The following CSF2RA variants were observed in gnomAD, a reference collection of about 807,000 sequenced individuals.
The protein encoded by CSF2RA is colony stimulating factor 2 receptor subunit alpha.
Under a neutral mutation model 51.6 loss-of-function variants are expected in CSF2RA, and 42 were observed. That is an observed-to-expected ratio of 0.81 (90% CI 0.64 to 1.05). The LOEUF (loss-of-function observed/expected upper bound fraction) is 1.05. Among genes scored for constraint, CSF2RA ranks in the 50% least tolerant of loss-of-function variants. The pLI, the probability that CSF2RA is intolerant of heterozygous loss-of-function variation, is 0.00. For synonymous variants in CSF2RA, 222 were observed against 193.0 expected, an observed-to-expected ratio of 1.15 and a Z score of -1.24; for missense variants, 530 against 501.1, an observed-to-expected ratio of 1.06 and a Z score of -0.55.
chrX:1,286,616 G>A (rs2090703114), intron 4 of CSF2RA, among the ~76,000 whole-genome samples: 1 of 151,834 alleles, frequency 6.6e-6, no homozygotes, highest in Non-Finnish European at 1.5e-5. Context: ...AAGCGAGAGG[G>A]CCACAGACAC....
chrX:1,284,498 G>A (rs1286468997), intron 3 of CSF2RA, among the ~76,000 whole-genome samples: 3 of 136,706 alleles, frequency 2.2e-5, no homozygotes, highest in Non-Finnish European at 4.6e-5. Flanking sequence ...GCGCGATCTC[G>A]GCTCACTGCA....
At position 1,309,375 on chromosome X, in the gene CSF2RA, G is replaced by A. The variant is rs772036053; in HGVS notation, c.1126-27G>A. The A allele has an allele frequency of 7.5e-6, 12 of 1,610,360 alleles. No individual in the cohort carries two copies. In the South Asian group the frequency reaches 1.3e-4, roughly 18 times the overall value. On this transcript the variant is annotated intron_variant, in intron 12 of 12. Transcript: ENST00000381529. ...TCCCAGGCTGAGCTCGTGAAGATCT[G>A]ACAGCCTGAACCCTCCTTTTTCTCA...
intron 12 of CSF2RA, 61 bp from the exon 13 acceptor site, chrX:1,309,341 C>A: frequency 1.3e-6 from 2 of 1,491,832 alleles, no homozygotes; most frequent in Non-Finnish European, 1.9e-6. Flanking sequence ...ATAAACACAG[C>A]CCACTGAGTC....
In CSF2RA at chrX:1,279,281, C is replaced by T. The variant is rs866117713; in HGVS notation, c.-26-3397C>T. On this transcript the variant is annotated intron_variant, in intron 2 of 12. Transcript: ENST00000381529. ...AGTAGAATGGCTTCAACTTGGGAGA[C>T]GGAGGTTGCAGTGAGCCGAGATGGC... 6.6e-5 allele frequency among the ~76,000 whole-genome samples: 10 copies of T among 151,762 alleles called. 1 individual carries two copies. Among genetic ancestry groups the T allele is most frequent in the African/African-American group, 1.9e-4 (8 of 41,346 alleles).
chrX:1,301,904 C>T (rs1433748395), intron 10 of CSF2RA, among the ~76,000 whole-genome samples: 1 of 145,044 alleles, frequency 6.9e-6, no homozygotes, highest in Non-Finnish European at 1.5e-5. Context: ...CCGTGCCCGG[C>T]CCTCCCTCTT....
rs1477132884 is a variant in CSF2RA, at chrX:1,277,596, A to G, written c.-27+2778A>G. Among the ~76,000 whole-genome samples, 15 of 76,088 alleles carry G rather than the reference A, an allele frequency of 2.0e-4. No homozygotes were observed. In the South Asian group the frequency reaches 5.8e-3, roughly 30 times the overall value. The allele number at this position is 76,088 out of a possible 152,430, so 49.9% of individuals were successfully genotyped here. A position where few individuals can be genotyped will look rare whatever the true frequency, so the allele number is the denominator to read the frequency against. On this transcript the variant is annotated intron_variant, in intron 2 of 12. Transcript: ENST00000381529. The stretch of plus-strand genomic sequence containing the variant: ...GGGCGATAGAGTAAGTCCATCTCAA[A>G]AAAAAAAAAAAAAAAAAAAAATTCG...
intron 2 of CSF2RA, among the ~76,000 whole-genome samples, chrX:1,281,053 C>T (rs1388344213): frequency 2.1e-4 from 2 of 9,396 alleles, no homozygotes. Flanking sequence ...CTCCTGCTCC[C>T]CTTCTCCTCC....
At position 1,309,457 on chromosome X, in the gene CSF2RA, T is replaced by C; in HGVS notation, c.1181T>C (p.Leu394Ser). The C allele has an allele frequency of 6.2e-7, 1 of 1,614,008 alleles. No individual in the cohort carries two copies. Among genetic ancestry groups the C allele is most frequent in the South Asian group, 1.1e-5 (1 of 91,080 alleles). The change falls in exon 13 of 13, where the codon TTG becomes TCG. Residue 394 changes from leucine to serine, a missense_variant. Transcript: ENST00000381529. ...EEGKGYREEV[L>S]TVKEIT ...GGGAAAGGCTACCGCGAAGAGGTCT[T>C]GACCGTGAAGGAAATTACCTGAGAC...
chrX:1,272,644 C>A (rs1285042259), intron 1 of CSF2RA, among the ~76,000 whole-genome samples: 1 of 151,564 alleles, frequency 6.6e-6, no homozygotes, highest in Non-Finnish European at 1.5e-5. Flanking sequence ...CCCGCCACTA[C>A]GCCCAGCTAA....
At chrX:1,303,334 C>T (rs1274751439) in intron 10 of CSF2RA, 10 of 427,042 alleles carry the variant, frequency 2.3e-5, no homozygotes, top group Middle Eastern at 5.8e-4. Context: ...CTCCCAGGCT[C>T]AAGCGATTCT....
At chrX:1,323,743 A>G in the CSF2RA span, among the ~76,000 whole-genome samples, 103 of 150,882 alleles carry the variant, frequency 6.8e-4, no homozygotes, top group Middle Eastern at 6.9e-3. Context: ...GGCTGGGCGC[A>G]GTGGCTCACG....
chrX:1,302,146 C>T (rs113149639), intron 10 of CSF2RA, among the ~76,000 whole-genome samples: 2 of 151,342 alleles, frequency 1.3e-5, no homozygotes, highest in Non-Finnish European at 2.9e-5. Flanking sequence ...GAACTCCTGA[C>T]CTCAGGTGAT....
chrX:1,303,788 G>T (rs1392708057), intron 10 of CSF2RA, 135 bp from the exon 11 acceptor site: 30 of 818,840 alleles, frequency 3.7e-5, no homozygotes, highest in Non-Finnish European at 6.1e-5. Flanking sequence ...AAACAGGGAG[G>T]CAGGTTTGCT....
At chrX:1,292,865 G>A (rs1194095140) in intron 7 of CSF2RA, among the ~76,000 whole-genome samples, 8 of 152,198 alleles carry the variant, frequency 5.3e-5, no homozygotes, top group East Asian at 1.9e-4. Flanking sequence ...GCTGGGGGAC[G>A]GTCAGGTCTT....
the CSF2RA span, among the ~76,000 whole-genome samples, chrX:1,316,673 T>C: frequency 0.023 from 3,432 of 152,304 alleles, 129 homozygotes; most frequent in African/African-American, 0.078. Flanking sequence ...ACCGGCGTCA[T>C]GGGGCTCCCC....
chrX:1,314,610 C>T (rs868725372), downstream of CSF2RA, among the ~76,000 whole-genome samples: 12 of 12,980 alleles, frequency 9.2e-4, no homozygotes, highest in Admixed American at 2.3e-3. Context: ...AACCCCACTG[C>T]ACCTGCCCAA....
intron 9 of CSF2RA, 183 bp from the exon 10 acceptor site, chrX:1,300,308 G>C: frequency 1.4e-6 from 1 of 697,540 alleles, no homozygotes; most frequent in Non-Finnish European, 2.4e-6. Flanking sequence ...ATACTAACGA[G>C]GCTTGACTCT....
downstream of CSF2RA, among the ~76,000 whole-genome samples, chrX:1,315,010 A>G (rs1450830273): frequency 4.6e-4 from 60 of 130,672 alleles, no homozygotes; most frequent in African/African-American, 1.4e-3. Context: ...ACCCCACTGC[A>G]CCTGCCCAAC....
the CSF2RA span, among the ~76,000 whole-genome samples, chrX:1,323,571 G>A: frequency 1.3e-5 from 2 of 151,810 alleles, no homozygotes; most frequent in East Asian, 1.9e-4. Context: ...ACCGCACCTC[G>A]AGAAGTGGGA....
Sources: allele counts gnomAD v4.1 joint callset (sites outside exome capture counted in the v4.1 genomes callset), GRCh38; gene constraint gnomAD v4.1.1; transcripts MANE v1.5; gene names NCBI Gene and HGNC (gene_info 2026-07-23, HGNC 2026-07-21).